Variants in XRCC5 observed in about 807,000 individuals in gnomAD.
XRCC5 encodes the protein DNA repair protein Ku80.
XRCC5 carries 12 observed loss-of-function variants against 95.7 expected under a neutral mutation model. The ratio of observed to expected loss-of-function variants is 0.13; its 90% confidence interval spans 0.08 to 0.20. The LOEUF (loss-of-function observed/expected upper bound fraction) is 0.20. Ranked by LOEUF, XRCC5 falls within the 10% of genes least tolerant of loss-of-function variation. The pLI, the probability that XRCC5 is intolerant of heterozygous loss-of-function variation, is 1.00. For missense variants in XRCC5, 595 were observed against 873.9 expected (o/e 0.68, Z 4.02); for synonymous variants, 281 against 290.3 (o/e 0.97, Z 0.33).
At chr2:216,169,930 T>C (rs1018343245) in intron 16 of XRCC5, among the ~76,000 whole-genome samples, 2 of 148,352 alleles carry the variant, frequency 1.3e-5, no homozygotes, top group Non-Finnish European at 3.0e-5. Flanking sequence ...TCTCAGCTAC[T>C]TGGGAGGCTG....
chr2:216,198,368 G>A lies in XRCC5; in HGVS notation c.2109+3382G>A, dbSNP rs555052498. Among the ~76,000 whole-genome samples, 11 of 152,142 alleles carry A rather than the reference G, an allele frequency of 7.2e-5. No individual in the cohort carries two copies. In the East Asian group the frequency reaches 7.7e-4, roughly 11 times the overall value. ...TAATTTTGACTCACCTTCAGTGTACGCTGTGTTATATCTGTCAGTTCTCAT... is the reference window on the plus strand; with the variant it reads ...TAATTTTGACTCACCTTCAGTGTACACTGTGTTATATCTGTCAGTTCTCAT... On this transcript the variant is annotated intron_variant, in intron 19 of 20. Transcript: ENST00000392132.
intron 16 of XRCC5, among the ~76,000 whole-genome samples, chr2:216,167,434 T>C (rs753806243): frequency 2.9e-4 from 44 of 152,188 alleles, no homozygotes; most frequent in Non-Finnish European, 5.6e-4. Context: ...TGGTTTTGTA[T>C]GGTATAGCAC....
intron 16 of XRCC5, chr2:216,174,853 T>TTC (rs1224513500): frequency 3.8e-6 from 1 of 263,810 alleles, no homozygotes; most frequent in Non-Finnish European, 7.4e-6. Flanking sequence ...CAACTCCTTG[T>TTC]TCTTTCTCCT....
intron 17 of XRCC5, among the ~76,000 whole-genome samples, chr2:216,192,054 A>G (rs1386866612): frequency 6.6e-6 from 1 of 152,142 alleles, no homozygotes; most frequent in Non-Finnish European, 1.5e-5. Context: ...GCTGGAGTGC[A>G]GTGGCATGAT....
At chr2:216,119,268 C>G (rs1696758481) in intron 5 of XRCC5, 103 bp downstream of exon 5, 2 of 1,306,506 alleles carry the variant, frequency 1.5e-6, no homozygotes, top group Admixed American at 2.2e-5. Context: ...TTTTCGCTTT[C>G]TGCTCCAAGG....
chr2:216,127,690 T>C lies in XRCC5; in HGVS notation c.937+16T>C. 6.3e-7 allele frequency: 1 copy of C among 1,578,744 alleles called. No homozygotes were observed. The highest frequency in any genetic ancestry group is 8.6e-7 in the Non-Finnish European group (1 of 1,167,554). On this transcript the variant is annotated intron_variant, in intron 8 of 20. Transcript: ENST00000392132. ...ATTATTCAAGGTATGTCAGTAAGAG[T>C]TTTCACTGTTGCCTAAAAGACATTT...
At chr2:216,157,322 C>G (rs995135734) in intron 14 of XRCC5, among the ~76,000 whole-genome samples, 3 of 152,008 alleles carry the variant, frequency 2.0e-5, no homozygotes, top group African/African-American at 7.2e-5. Flanking sequence ...CAAGCTCTGC[C>G]TCCCGGGTTC....
At chr2:216,179,836 T>A (rs965823058) in intron 16 of XRCC5, among the ~76,000 whole-genome samples, 1 of 152,146 alleles carries the variant, frequency 6.6e-6, no homozygotes. Flanking sequence ...ATGATCTGGT[T>A]TTATATTTCA....
intron 10 of XRCC5, 103 bp from the exon 11 acceptor site, chr2:216,136,985 A>C: frequency 7.1e-7 from 1 of 1,400,342 alleles, no homozygotes; most frequent in Non-Finnish European, 9.5e-7. Context: ...ACCCTAAAAA[A>C]TGTAAAATAG....
intron 16 of XRCC5, among the ~76,000 whole-genome samples, chr2:216,184,586 C>T (rs181903756): frequency 6.6e-6 from 1 of 152,304 alleles, no homozygotes; most frequent in African/African-American, 2.4e-5. Flanking sequence ...AGATGATTCT[C>T]CTGCCTCCGC....
At chr2:216,121,137 T>G (rs1217797291) in intron 5 of XRCC5, among the ~76,000 whole-genome samples, 1 of 152,216 alleles carries the variant, frequency 6.6e-6, no homozygotes, top group Non-Finnish European at 1.5e-5. Flanking sequence ...TAACTTCCTT[T>G]CTCTTCACTT....
Position 216,170,720 on chromosome 2 carries a change from G to A in XRCC5, c.1834+8672G>A, listed in dbSNP as rs75559997. Among the ~76,000 whole-genome samples, 802 of 152,288 alleles carry A rather than the reference G, an allele frequency of 5.3e-3. 21 individuals are homozygous for A. Among genetic ancestry groups the A allele is most frequent in the East Asian group, 0.043 (221 of 5,180 alleles). ...AAGGCAGGTGCTCACAATTGGTTCC[G>A]ATGGAAATGCAGAACTCTTGGGTGC... is the stretch of plus-strand genomic sequence containing the variant. On this transcript the variant is annotated intron_variant, in intron 16 of 20. Coordinates refer to ENST00000392132, the MANE Select transcript of XRCC5 (RefSeq NM_021141.4).
At chr2:216,153,902 G>A (rs1688795033) in intron 14 of XRCC5, among the ~76,000 whole-genome samples, 1 of 152,184 alleles carries the variant, frequency 6.6e-6, no homozygotes, top group African/African-American at 2.4e-5. Flanking sequence ...CTCCAGTTCA[G>A]TAAGCCAGAA....
chr2:216,191,237 C>G lies in XRCC5; in HGVS notation c.1944+903C>G, dbSNP rs377674004. ...GTGTATTGCTTTTTTAAAGCACTAC[C>G]CAGGCTAGGTGGAGTGTCTTATAAC... On this transcript the variant is annotated intron_variant, in intron 17 of 20. Coordinates refer to ENST00000392132, the MANE Select transcript of XRCC5 (RefSeq NM_021141.4). 6.6e-5 allele frequency among the ~76,000 whole-genome samples: 10 copies of G among 151,942 alleles called. No individual in the cohort carries two copies. In the East Asian group the frequency reaches 1.9e-3, roughly 29 times the overall value.
intron 19 of XRCC5, among the ~76,000 whole-genome samples, chr2:216,200,454 A>C (rs1030117654): frequency 6.6e-6 from 1 of 152,230 alleles, no homozygotes; most frequent in African/African-American, 2.4e-5. Flanking sequence ...AAGAAAAGTA[A>C]TAATGAAAAT....
chr2:216,136,560 C>T (rs891640668), intron 10 of XRCC5, among the ~76,000 whole-genome samples: 3 of 152,018 alleles, frequency 2.0e-5, no homozygotes, highest in African/African-American at 7.2e-5. Flanking sequence ...TATATAGAGA[C>T]AGTGGAATGG....
At chr2:216,198,740 A>G (rs949667857) in intron 19 of XRCC5, among the ~76,000 whole-genome samples, 2 of 151,948 alleles carry the variant, frequency 1.3e-5, no homozygotes, top group Non-Finnish European at 2.9e-5. Flanking sequence ...TTTAGTAGAG[A>G]TGGGGTTTTA....
At position 216,116,803 on chromosome 2, in the gene XRCC5, A is replaced by C; in HGVS notation, c.280A>C (p.Ile94Leu). Residue 94 changes from isoleucine (I) to leucine (L), a missense_variant, in exon 3 of 21, where the codon ATT (isoleucine) becomes CTT (leucine). Around this residue, in one of 2 missense-constraint regions of XRCC5, gnomAD observed 286 missense variants for 491.1 expected, o/e 0.58. Transcript: ENST00000392132. The stretch of plus-strand genomic sequence containing the variant: ...ACCAGATTTTGATTTGCTGGAGGAC[A>C]TTGAAAGCAAAATCCAACCAGGTTC... ...MLPDFDLLED[I>L]ESKIQPGSQQ... is the part of the protein sequence containing the mutation. 6.2e-7 allele frequency: 1 copy of C among 1,614,154 alleles called. No individual in the cohort carries two copies. Among genetic ancestry groups the C allele is most frequent in the South Asian group, 1.1e-5 (1 of 91,076 alleles).
intron 2 of XRCC5, among the ~76,000 whole-genome samples, chr2:216,113,963 A>G (rs1258446654): frequency 1.3e-5 from 2 of 152,066 alleles, no homozygotes; most frequent in African/African-American, 2.4e-5. Flanking sequence ...AAGGGAGGAG[A>G]ATTAGACTCC....
Sources: gnomAD v4.1 joint callset for allele counts (sites outside exome capture counted in the v4.1 genomes callset) on GRCh38, gnomAD v4.1.1 for gene constraint, gnomAD v4.1.1 regional missense constraint, MANE v1.5 for transcripts, NCBI Gene and HGNC (gene_info 2026-07-23, HGNC 2026-07-21) for gene names.